The following CNIH3 variants were observed in gnomAD, a reference collection of about 807,000 sequenced individuals.
CNIH3 encodes the protein protein cornichon homolog 3.
Under a neutral mutation model 24.1 loss-of-function variants are expected in CNIH3, and 14 were observed. The ratio of observed to expected loss-of-function variants is 0.58; its 90% CI spans 0.38 to 0.91. CNIH3 has a LOEUF of 0.91. Among genes scored for constraint, CNIH3 ranks in the 40% least tolerant of loss-of-function variants. The pLI is 0.00. For synonymous variants in CNIH3, 68 were observed against 73.8 expected, an observed-to-expected ratio of 0.92 and a Z score of 0.40; for missense variants, 178 against 196.8, an observed-to-expected ratio of 0.90 and a Z score of 0.57.
At chr1:224,677,280 G>T (rs1288076486) in intron 1 of CNIH3, among the ~76,000 whole-genome samples, 1 of 152,202 alleles carries the variant, frequency 6.6e-6, no homozygotes, top group Non-Finnish European at 1.5e-5. Flanking sequence ...CGTCTTGATA[G>T]CCCTCATCAC....
chr1:224,539,909 C>T (rs1679446319), downstream of CNIH3, among the ~76,000 whole-genome samples: 2 of 152,254 alleles, frequency 1.3e-5, no homozygotes, highest in Admixed American at 6.5e-5. Flanking sequence ...ATTGCCTTCC[C>T]TCCAGATTGT....
downstream of CNIH3, chr1:224,588,675 C>G (rs1681613554): frequency 6.6e-6 from 1 of 151,876 alleles, no homozygotes. Context: ...ATTCAGACAA[C>G]CAGGAATCTG....
Position 224,617,153 on chromosome 1 carries a change from G to A in CNIH3, c.-22G>A, listed in dbSNP as rs372613763. On this transcript the variant is annotated 5_prime_UTR_variant, in exon 1 of 6. In the 5' UTR this introduces an upstream ATG that the reference lacks. Transcript: ENST00000272133. ...TCCTAGGGGCTTCTTGGCGTGTGTGGTGGGATTGGGGTCCGCCGGCCATGG... is the reference window on the plus strand; with the variant it reads ...TCCTAGGGGCTTCTTGGCGTGTGTGATGGGATTGGGGTCCGCCGGCCATGG... 5 of 1,613,310 alleles carry A rather than the reference G, an allele frequency of 3.1e-6. No individual in the cohort carries two copies. Among genetic ancestry groups the A allele is most frequent in the Non-Finnish European group, 3.4e-6 (4 of 1,179,590 alleles).
intron 1 of CNIH3, among the ~76,000 whole-genome samples, chr1:224,659,666 A>G (rs1172552390): frequency 6.6e-6 from 1 of 152,222 alleles, no homozygotes; most frequent in Admixed American, 6.5e-5. Context: ...TACATGGAAC[A>G]ATTTAGACAT....
intron 3 of CNIH3, among the ~76,000 whole-genome samples, chr1:224,560,516 C>T (rs1321390726): frequency 2.6e-5 from 4 of 152,094 alleles, no homozygotes; most frequent in African/African-American, 7.2e-5. Context: ...AGCTGCTCCC[C>T]GTTGCTTGCA....
At chr1:224,488,956 C>G (rs553034853) in intron 1 of CNIH3, among the ~76,000 whole-genome samples, 2 of 152,258 alleles carry the variant, frequency 1.3e-5, no homozygotes, top group South Asian at 4.1e-4. Flanking sequence ...ATAACCCTGT[C>G]TACTAATTCC....
intron 3 of CNIH3, among the ~76,000 whole-genome samples, chr1:224,553,983 T>C (rs1452808324): frequency 1.3e-5 from 2 of 152,160 alleles, no homozygotes; most frequent in Non-Finnish European, 2.9e-5. Flanking sequence ...GAGGATTCAT[T>C]CATTACATAG....
At chr1:224,551,663 A>G (rs921548076) in intron 3 of CNIH3, among the ~76,000 whole-genome samples, 7 of 152,070 alleles carry the variant, frequency 4.6e-5, no homozygotes, top group African/African-American at 1.7e-4. Context: ...TTTCATTAAT[A>G]TCACAGTGTG....
At chr1:224,487,646 T>C (rs897725858) in intron 1 of CNIH3, among the ~76,000 whole-genome samples, 3 of 151,926 alleles carry the variant, frequency 2.0e-5, no homozygotes, top group East Asian at 1.9e-4. Flanking sequence ...ACAGTGAAAA[T>C]TGTATAGAAG....
upstream of CNIH3, chr1:224,616,198 C>T (rs562831263): frequency 6.4e-6 from 1 of 155,180 alleles, no homozygotes; most frequent in East Asian, 1.9e-4. Context: ...CGCCACCCAC[C>T]TTTCCTCAGC....
chr1:224,551,001 G>A (rs1029670431), intron 3 of CNIH3, among the ~76,000 whole-genome samples: 6 of 151,966 alleles, frequency 3.9e-5, no homozygotes, highest in South Asian at 2.1e-4. Flanking sequence ...AGAGAAATGC[G>A]AATCAAAACC....
At chr1:224,469,758 A>G (rs1255343532) in intron 1 of CNIH3, among the ~76,000 whole-genome samples, 1 of 152,176 alleles carries the variant, frequency 6.6e-6, no homozygotes, top group Non-Finnish European at 1.5e-5. Flanking sequence ...AATAATAGGA[A>G]AAACATCTTA....
intron 4 of CNIH3, among the ~76,000 whole-genome samples, chr1:224,574,041 A>T (rs1338796910): frequency 1.3e-5 from 2 of 152,204 alleles, no homozygotes; most frequent in East Asian, 3.9e-4. Flanking sequence ...GGGATTACAC[A>T]TATGAGTCCA....
At chr1:224,456,988 C>T (rs532554707) in intron 1 of CNIH3, among the ~76,000 whole-genome samples, 5 of 152,326 alleles carry the variant, frequency 3.3e-5, no homozygotes, top group Non-Finnish European at 7.3e-5. Context: ...CCACCCCGCT[C>T]AGGCCTCTGC....
At chr1:224,530,682 C>T (rs1324599054) in intron 2 of CNIH3, among the ~76,000 whole-genome samples, 1 of 152,000 alleles carries the variant, frequency 6.6e-6, no homozygotes, top group Non-Finnish European at 1.5e-5. Flanking sequence ...TCACTGCAAC[C>T]TCTGCCTCCT....
At chr1:224,513,100 T>A (rs542144607), upstream of CNIH3, among the ~76,000 whole-genome samples, 8 of 152,254 alleles carry the variant, frequency 5.3e-5, no homozygotes, top group Non-Finnish European at 1.2e-4. Context: ...TGGAAAGCCC[T>A]TTGAGAGCAG....
intron 1 of CNIH3, among the ~76,000 whole-genome samples, chr1:224,480,605 T>C (rs191825192): frequency 5.7e-4 from 87 of 152,358 alleles, no homozygotes; most frequent in African/African-American, 2.0e-3. Flanking sequence ...TTCTGCCAGA[T>C]ACCCTAAATC....
intron 1 of CNIH3, among the ~76,000 whole-genome samples, chr1:224,679,429 C>CCAA (rs1686297295): frequency 6.6e-6 from 1 of 152,156 alleles, no homozygotes; most frequent in African/African-American, 2.4e-5. Flanking sequence ...CTGGATTTGG[C>CCAA]CTTCAGGCTG....
rs1171189685 is a variant in CNIH3 at position 224,510,606 on chromosome 1, AAAC to A, written n.204-5132_204-5130del. On this transcript the variant is annotated intron_variant and non_coding_transcript_variant, in intron 1 of 5. Transcript: ENST00000471578. Reference sequence around the variant, plus strand: ...AACAGGACCCTGTCTCAAAAAAAAAAAACAAAAAAAAAACAAAAAAAAGAAAGA... The same window carrying A: ...AACAGGACCCTGTCTCAAAAAAAAAAAAAAAAAAAACAAAAAAAAGAAAGA... 1.1e-4 allele frequency among the ~76,000 whole-genome samples: 11 copies of A among 101,824 alleles called. 1 individual carries two copies. Among genetic ancestry groups the A allele is most frequent in the African/African-American group, 4.1e-4 (10 of 24,236 alleles). 66.8% of individuals were successfully genotyped at this position (101,824 alleles called of 152,430 possible).
Sources: allele counts gnomAD v4.1 joint callset (sites outside exome capture counted in the v4.1 genomes callset), GRCh38; gene constraint gnomAD v4.1.1; transcripts MANE v1.5; gene names NCBI Gene and HGNC (gene_info 2026-07-23, HGNC 2026-07-21).